The following STARD13 variants were observed in gnomAD, a reference collection of about 807,000 sequenced individuals.
STARD13 encodes StAR related lipid transfer domain containing 13.
Under a neutral mutation model 106.4 loss-of-function variants are expected in STARD13, and 62 were observed. The ratio of observed to expected loss-of-function variants is 0.58; its 90% confidence interval spans 0.48 to 0.72. The LOEUF is 0.72. Among genes scored for constraint, STARD13 ranks in the 30% least tolerant of loss-of-function variants. The probability of loss-of-function intolerance (pLI) is 0.00; values close to 1 mark genes in which losing one functional copy is unlikely to be tolerated. For missense variants in STARD13, 1,387 were observed against 1,424.0 expected, an observed-to-expected ratio of 0.97 and a Z score of 0.42; for synonymous variants, 565 against 553.0, an observed-to-expected ratio of 1.02 and a Z score of -0.31.
chr13:33,604,661 T>C, the STARD13 span, among the ~76,000 whole-genome samples: 24 of 152,104 alleles, frequency 1.6e-4, 1 homozygote, highest in East Asian at 4.5e-3. Context: ...TAGCTGGGCA[T>C]GGTGGTGTGT....
chr13:33,393,326 T>C, the STARD13 span, among the ~76,000 whole-genome samples: 3 of 152,034 alleles, frequency 2.0e-5, no homozygotes, highest in Non-Finnish European at 4.4e-5. Context: ...ATTAAGCATT[T>C]GGAGATGAAA....
chr13:33,247,934 C>T (rs9591623), intron 1 of STARD13, among the ~76,000 whole-genome samples: 9,751 of 152,264 alleles, frequency 0.064, 363 homozygotes, highest in Middle Eastern at 0.14. Context: ...GGACCACTGA[C>T]ACAAAGGGCT....
the STARD13 span, among the ~76,000 whole-genome samples, chr13:33,443,536 CCT>C: frequency 1.4e-3 from 214 of 152,090 alleles, 1 homozygote; most frequent in African/African-American, 5.0e-3. Context: ...ACTTCAAACC[CCT>C]CTGTTTGGAA....
chr13:33,371,322 G>T, the STARD13 span, among the ~76,000 whole-genome samples: 6 of 152,142 alleles, frequency 3.9e-5, no homozygotes, highest in Non-Finnish European at 5.9e-5. Flanking sequence ...GGGTCTGCGT[G>T]TGAAGTTGTC....
intron 10 of STARD13, among the ~76,000 whole-genome samples, chr13:33,111,415 T>A (rs919451050): frequency 1.3e-5 from 2 of 152,228 alleles, no homozygotes; most frequent in African/African-American, 4.8e-5. Context: ...CTGTCATTGG[T>A]TCTTAGCAAC....
At chr13:33,559,963 G>A in the STARD13 span, among the ~76,000 whole-genome samples, 1 of 151,590 alleles carries the variant, frequency 6.6e-6, no homozygotes. Flanking sequence ...AAATGTGCTA[G>A]CACCTTGATC....
At chr13:33,614,532 A>C in the STARD13 span, among the ~76,000 whole-genome samples, 1 of 152,194 alleles carries the variant, frequency 6.6e-6, no homozygotes, top group Non-Finnish European at 1.5e-5. Context: ...GCAAAGTCTC[A>C]GAGCTCAAGG....
At chr13:33,607,031 T>C in the STARD13 span, among the ~76,000 whole-genome samples, 1 of 152,120 alleles carries the variant, frequency 6.6e-6, no homozygotes, top group African/African-American at 2.4e-5. Flanking sequence ...CTTCATTCCT[T>C]TTGTCACGTG....
rs113177841 is a variant in STARD13 at position 33,163,326 on chromosome 13, C to T, written c.323+2011G>A. ...CCTCAGCTGGGCTCGGTGGCTCACA[C>T]CTGTAATCCCAGCACTTTGGGAGGC... On this transcript the variant is annotated intron_variant, in intron 3 of 13. Transcript: ENST00000336934. 7.1e-3 allele frequency among the ~76,000 whole-genome samples: 1,078 copies of T among 151,806 alleles called. 3 individuals are homozygous for T. Among genetic ancestry groups the T allele is most frequent in the African/African-American group, 0.023 (972 of 41,416 alleles).
At chr13:33,413,071 T>C in the STARD13 span, among the ~76,000 whole-genome samples, 31 of 152,178 alleles carry the variant, frequency 2.0e-4, no homozygotes, top group Admixed American at 1.8e-3. Context: ...AAATGTTTTC[T>C]CTGACCACAA....
At chr13:33,131,511 C>T (rs921860999) in intron 4 of STARD13, among the ~76,000 whole-genome samples, 4 of 151,968 alleles carry the variant, frequency 2.6e-5, no homozygotes, top group African/African-American at 7.3e-5. Flanking sequence ...TCATCAAGAG[C>T]CGGGCCTGCT....
chr13:33,638,414 C>G, the STARD13 span, among the ~76,000 whole-genome samples: 1 of 152,144 alleles, frequency 6.6e-6, no homozygotes, highest in African/African-American at 2.4e-5. Flanking sequence ...AGCAGGACAC[C>G]TGGAAGGAGG....
At chr13:33,484,968 TA>T in the STARD13 span, among the ~76,000 whole-genome samples, 10 of 152,224 alleles carry the variant, frequency 6.6e-5, no homozygotes, top group African/African-American at 2.4e-4. Context: ...TCATAACCTT[TA>T]ACACTACCAG....
At chr13:33,478,236 T>C in the STARD13 span, among the ~76,000 whole-genome samples, 5 of 152,334 alleles carry the variant, frequency 3.3e-5, no homozygotes, top group East Asian at 9.6e-4. Flanking sequence ...GTCTCAGTGA[T>C]TGGCTTTCTA....
At chr13:33,531,038 G>C in the STARD13 span, among the ~76,000 whole-genome samples, 1 of 152,120 alleles carries the variant, frequency 6.6e-6, no homozygotes. Context: ...GGATCAGGTG[G>C]GAGGTAACTG....
intron 2 of STARD13, among the ~76,000 whole-genome samples, chr13:33,165,897 A>G (rs1243827432): frequency 1.3e-5 from 2 of 152,344 alleles, no homozygotes; most frequent in Middle Eastern, 3.4e-3. Flanking sequence ...ACTCTGGAGT[A>G]TCAGCAAAAT....
At chr13:33,363,297 G>A in the STARD13 span, among the ~76,000 whole-genome samples, 2 of 152,094 alleles carry the variant, frequency 1.3e-5, no homozygotes, top group Non-Finnish European at 2.9e-5. Context: ...TGTACACACA[G>A]AGCTATTTTA....
chr13:33,624,116 T>C, the STARD13 span, among the ~76,000 whole-genome samples: 94 of 152,286 alleles, frequency 6.2e-4, no homozygotes, highest in Non-Finnish European at 1.1e-3. Context: ...TAGAAATGAG[T>C]ATGTACGCCT....
chr13:33,234,024 T>C (rs890816031), intron 1 of STARD13, among the ~76,000 whole-genome samples: 1 of 152,224 alleles, frequency 6.6e-6, no homozygotes, highest in Non-Finnish European at 1.5e-5. Flanking sequence ...AGGCCCTCAC[T>C]GTCCCAGGCA....
Sources: gnomAD v4.1 joint callset for allele counts (sites outside exome capture counted in the v4.1 genomes callset) on GRCh38, gnomAD v4.1.1 for gene constraint, MANE v1.5 for transcripts, NCBI Gene and HGNC (gene_info 2026-07-23, HGNC 2026-07-21) for gene names.